SEPTIN10: variants seen among roughly 807,000 people sequenced by gnomAD.
SEPTIN10 encodes septin 10.
Under a neutral mutation model 54.8 loss-of-function variants are expected in SEPTIN10, and 66 were observed. The ratio of observed to expected loss-of-function variants is 1.21; its 90% CI spans 0.99 to 1.48. SEPTIN10 has a LOEUF of 1.48. SEPTIN10 is among the 40% of genes most tolerant of loss of function. The probability of loss-of-function intolerance (pLI) is 0.00; values close to 1 mark genes in which losing one functional copy is unlikely to be tolerated. For missense variants in SEPTIN10, 620 were observed against 545.6 expected, an observed-to-expected ratio of 1.14 and a Z score of -1.36; for synonymous variants, 161 against 181.0, an observed-to-expected ratio of 0.89 and a Z score of 0.89.
intron 1 of SEPTIN10, among the ~76,000 whole-genome samples, chr2:109,602,708 G>C (rs767985488): frequency 4.1e-5 from 6 of 148,006 alleles, no homozygotes; most frequent in Non-Finnish European, 7.4e-5. Context: ...AGGATTACTA[G>C]ATGGCTCGAA....
chr2:109,597,236 T>C (rs1210446250), intron 1 of SEPTIN10, among the ~76,000 whole-genome samples: 1 of 152,202 alleles, frequency 6.6e-6, no homozygotes, highest in Non-Finnish European at 1.5e-5. Context: ...CCACCGTGCC[T>C]GGCTGGAAAA....
intron 10 of SEPTIN10, chr2:109,545,160 G>A (rs1680858455): frequency 1.2e-5 from 12 of 984,640 alleles, no homozygotes; most frequent in Non-Finnish European, 1.3e-5. Flanking sequence ...AGCATGCAAC[G>A]CTGCTAGCAC....
At chr2:109,555,090 T>C (rs1684050815) in intron 8 of SEPTIN10, among the ~76,000 whole-genome samples, 1 of 152,210 alleles carries the variant, frequency 6.6e-6, no homozygotes, top group South Asian at 2.1e-4. Flanking sequence ...TCTGAGCTTC[T>C]AGTTCCTCTT....
At chr2:109,575,706 A>G (rs1428696782) in intron 4 of SEPTIN10, among the ~76,000 whole-genome samples, 1 of 152,244 alleles carries the variant, frequency 6.6e-6, no homozygotes, top group Non-Finnish European at 1.5e-5. Flanking sequence ...TGAAAATAAC[A>G]GCAAACAGTT....
At chr2:109,609,338 G>T (rs903629428) in intron 1 of SEPTIN10, among the ~76,000 whole-genome samples, 2 of 151,902 alleles carry the variant, frequency 1.3e-5, no homozygotes, top group Non-Finnish European at 2.9e-5. Context: ...AGGATACAAA[G>T]AATAATACAG....
chr2:109,606,469 G>A (rs549069101), intron 1 of SEPTIN10, among the ~76,000 whole-genome samples: 2 of 152,142 alleles, frequency 1.3e-5, no homozygotes, highest in East Asian at 3.9e-4. Context: ...ACTTGCCATG[G>A]TGAATGCACT....
intron 9 of SEPTIN10, among the ~76,000 whole-genome samples, chr2:109,550,183 G>A (rs1053190187): frequency 8.6e-5 from 13 of 151,812 alleles, no homozygotes; most frequent in Non-Finnish European, 1.8e-4. Context: ...CCAGCTACTC[G>A]GGAGGCTGAG....
intron 2 of SEPTIN10, 73 bp downstream of exon 2, chr2:109,592,978 C>T (rs754094250): frequency 3.7e-5 from 38 of 1,027,200 alleles, no homozygotes; most frequent in Admixed American, 2.3e-4. Flanking sequence ...TCTATAAGCA[C>T]TCCAAGTAGT....
chr2:109,568,013 A>AT (rs753277551), intron 5 of SEPTIN10, 37 bp from the exon 6 acceptor site: 16,190 of 1,246,342 alleles, frequency 0.013, 3 homozygotes, highest in Non-Finnish European at 0.015. Context: ...CTTACTGAGG[A>AT]TTTTTTTTTT....
chr2:109,563,158 G>A (rs1316113427), intron 8 of SEPTIN10, among the ~76,000 whole-genome samples: 3 of 152,008 alleles, frequency 2.0e-5, no homozygotes, highest in Non-Finnish European at 4.4e-5. Context: ...TGGTCTGCCC[G>A]CCTTGGCCTC....
At chr2:109,564,259 G>A in intron 8 of SEPTIN10, 107 bp downstream of exon 8, 2 of 1,040,178 alleles carry the variant, frequency 1.9e-6, no homozygotes, top group Non-Finnish European at 2.6e-6. Context: ...CTATATCATG[G>A]TTTTGGGAGA....
Position 109,544,323 on chromosome 2 carries a change from A to G in SEPTIN10, c.1351T>C (p.Ser451Pro). ...GAACTTCTGTTTTACAAAAAATTGG[A>G]GCTGGAAAGAAAAAGAACCTTTTGA... ...NLRKDKDRKN[S>P]NFL Residue 451 changes from serine to proline, a missense_variant and splice_region_variant, in exon 11 of 11, where the codon TCC becomes CCC. Coordinates refer to ENST00000397712, the MANE Select transcript of SEPTIN10 (RefSeq NM_144710.5). 2 of 1,588,102 alleles carry G rather than the reference A, an allele frequency of 1.3e-6. No individual in the cohort carries two copies. Among genetic ancestry groups the G allele is most frequent in the South Asian group, 1.2e-5 (1 of 85,936 alleles).
In SEPTIN10 at chr2:109,612,888, A is replaced by C. The variant is rs144455282; in HGVS notation, c.30+910T>G. Reference sequence around the variant, plus strand: ...CGGTGTCACTTTGGACGGATCCTCTAATCTCTCAGCCTGCAATCTGAACTG... The same window carrying C: ...CGGTGTCACTTTGGACGGATCCTCTCATCTCTCAGCCTGCAATCTGAACTG... On this transcript the variant is annotated intron_variant, in intron 1 of 10. Transcript: ENST00000397712. Among the ~76,000 whole-genome samples, 38 of 152,366 alleles carry C rather than the reference A, an allele frequency of 2.5e-4. No individual in the cohort carries two copies. In the East Asian group the frequency reaches 6.6e-3, roughly 26 times the overall value.
chr2:109,605,448 C>A (rs1026528066), intron 1 of SEPTIN10: 3 of 151,650 alleles, frequency 2.0e-5, no homozygotes, highest in South Asian at 2.1e-4. Context: ...CTACTCTGAG[C>A]GACAAGAGTG....
chr2:109,558,916 C>G (rs1031693412), intron 8 of SEPTIN10, among the ~76,000 whole-genome samples: 2 of 151,286 alleles, frequency 1.3e-5, no homozygotes, highest in Non-Finnish European at 2.9e-5. Context: ...GATGGAGTCT[C>G]GCTCTGTTGC....
intron 8 of SEPTIN10, among the ~76,000 whole-genome samples, chr2:109,559,911 CTTTT>C (rs1185486244): frequency 2.6e-4 from 30 of 117,550 alleles, no homozygotes; most frequent in African/African-American, 8.3e-4. Context: ...CAACCAATGC[CTTTT>C]TTTTTTTTTT....
chr2:109,583,617 A>G (rs1325766368), intron 4 of SEPTIN10, among the ~76,000 whole-genome samples: 6 of 152,166 alleles, frequency 3.9e-5, no homozygotes, highest in Non-Finnish European at 8.8e-5. Flanking sequence ...CTACCATTCG[A>G]CCCAGCTATT....
chr2:109,565,264 C>A (rs1686703506), intron 7 of SEPTIN10, among the ~76,000 whole-genome samples: 1 of 151,930 alleles, frequency 6.6e-6, no homozygotes, highest in Non-Finnish European at 1.5e-5. Context: ...AATCTATTCA[C>A]CATTAATTAG....
chr2:109,568,176 G>A (rs1687526702), intron 5 of SEPTIN10, among the ~76,000 whole-genome samples, 200 bp from the exon 6 acceptor site: 1 of 151,972 alleles, frequency 6.6e-6, no homozygotes, highest in Admixed American at 6.6e-5. Context: ...ATTTGCTTGT[G>A]TACTGTCTAC....
Sources: gnomAD v4.1 joint callset for allele counts (sites outside exome capture counted in the v4.1 genomes callset) on GRCh38, gnomAD v4.1.1 for gene constraint, MANE v1.5 for transcripts, NCBI Gene and HGNC (gene_info 2026-07-23, HGNC 2026-07-21) for gene names.